NKAIN2: variants seen among roughly 807,000 people sequenced by gnomAD.
NKAIN2 encodes sodium/potassium-transporting ATPase subunit beta-1-interacting protein 2.
NKAIN2 carries 14 observed loss-of-function variants against 32.6 expected under a neutral mutation model. The observed-to-expected ratio is 0.43, with a 90% confidence interval of 0.28 to 0.67. The LOEUF (loss-of-function observed/expected upper bound fraction) is 0.67. NKAIN2 is among the 30% of genes least tolerant of loss of function. The pLI is 0.17. For synonymous variants in NKAIN2, 80 were observed against 87.2 expected, an observed-to-expected ratio of 0.92 and a Z score of 0.46; for missense variants, 198 against 258.3, an observed-to-expected ratio of 0.77 and a Z score of 1.60.
chr6:123,829,204 T>C (rs1046529625), intron 1 of NKAIN2: 6 of 152,204 alleles, frequency 3.9e-5, no homozygotes, highest in Non-Finnish European at 2.9e-5. Context: ...TACTTTCTCC[T>C]TAAGCAATCT....
intron 4 of NKAIN2, among the ~76,000 whole-genome samples, chr6:124,764,618 G>A (rs1277569582): frequency 1.3e-5 from 2 of 152,128 alleles, no homozygotes; most frequent in East Asian, 3.9e-4. Flanking sequence ...ACTGCCTTCT[G>A]TTATCACTCC....
chr6:124,103,858 TG>T (rs746767815), intron 1 of NKAIN2, among the ~76,000 whole-genome samples: 110 of 151,992 alleles, frequency 7.2e-4, no homozygotes, highest in Admixed American at 2.9e-3. Context: ...GAGGCCGAGG[TG>T]GGCGGATCAT....
chr6:123,823,101 T>C (rs1248585371), intron 1 of NKAIN2: 1 of 152,190 alleles, frequency 6.6e-6, no homozygotes, highest in Non-Finnish European at 1.5e-5. Context: ...TACTAAGCTG[T>C]AGTATTCGGA....
At chr6:124,103,458 C>T (rs1269703508) in intron 1 of NKAIN2, among the ~76,000 whole-genome samples, 1 of 152,134 alleles carries the variant, frequency 6.6e-6, no homozygotes, top group Non-Finnish European at 1.5e-5. Context: ...TATAATACTT[C>T]ACAGCATTTT....
intron 1 of NKAIN2, among the ~76,000 whole-genome samples, chr6:124,085,057 A>T (rs535228162): frequency 2.5e-4 from 38 of 152,134 alleles, no homozygotes; most frequent in African/African-American, 8.4e-4. Context: ...AAATGCTGTA[A>T]ATAGTGTATT....
chr6:123,886,425 C>A (rs143856901), intron 1 of NKAIN2, among the ~76,000 whole-genome samples: 2,698 of 151,898 alleles, frequency 0.018, 32 homozygotes, highest in Middle Eastern at 0.041. Flanking sequence ...ACAAGGACAC[C>A]AAATATATAT....
chr6:124,248,778 T>G, intron 1 of NKAIN2, among the ~76,000 whole-genome samples: 1 of 152,156 alleles, frequency 6.6e-6, no homozygotes, highest in South Asian at 2.1e-4. Flanking sequence ...GCATGCTTCT[T>G]GTCATACAGG....
At chr6:124,232,425 C>T (rs1562439432) in intron 1 of NKAIN2, among the ~76,000 whole-genome samples, 1 of 151,946 alleles carries the variant, frequency 6.6e-6, no homozygotes, top group African/African-American at 2.4e-5. Flanking sequence ...TCATGATGAG[C>T]CTACATGTTA....
chr6:124,050,767 T>C (rs1782365945), intron 1 of NKAIN2, among the ~76,000 whole-genome samples: 1 of 152,086 alleles, frequency 6.6e-6, no homozygotes, highest in South Asian at 2.1e-4. Context: ...TGTAATTCAG[T>C]TGAAAGCATT....
chr6:124,147,321 G>A (rs901179845), intron 1 of NKAIN2, among the ~76,000 whole-genome samples: 3 of 152,120 alleles, frequency 2.0e-5, no homozygotes, highest in African/African-American at 7.2e-5. Context: ...AACACTGATT[G>A]CACACATGGG....
chr6:123,846,972 C>A (rs1290321146), intron 1 of NKAIN2, among the ~76,000 whole-genome samples: 1 of 152,090 alleles, frequency 6.6e-6, no homozygotes, highest in Non-Finnish European at 1.5e-5. Flanking sequence ...CACATTCAGT[C>A]CAGTACTATG....
At position 124,331,303 on chromosome 6, in the gene NKAIN2, C is replaced by A. The variant is rs1475291003; in HGVS notation, c.193-23964C>A. Reference sequence around the variant, plus strand: ...TATCACGAGGTCAGGAGATCGAGACCATCCTGGCTAACACGGTGAAACCCT... The same window carrying A: ...TATCACGAGGTCAGGAGATCGAGACAATCCTGGCTAACACGGTGAAACCCT... On this transcript the variant is annotated intron_variant, in intron 2 of 6. Coordinates refer to ENST00000368417, the MANE Select transcript of NKAIN2 (RefSeq NM_001040214.3). Among the ~76,000 whole-genome samples, 5 of 128,854 alleles carry A rather than the reference C, an allele frequency of 3.9e-5. No homozygotes were observed. The South Asian group carries it at 1.2e-3, about 32-fold the overall frequency. The allele number at this position is 128,854 out of a possible 152,430, so 84.5% of individuals were successfully genotyped here. A position where few individuals can be genotyped will look rare whatever the true frequency, so the allele number is the denominator to read the frequency against.
chr6:124,472,893 A>G (rs1777033500), intron 3 of NKAIN2, among the ~76,000 whole-genome samples: 1 of 152,092 alleles, frequency 6.6e-6, no homozygotes, highest in African/African-American at 2.4e-5. Flanking sequence ...TGTGCTATCT[A>G]GATATATAAA....
chr6:124,345,462 C>T (rs1234706919), intron 2 of NKAIN2, among the ~76,000 whole-genome samples: 2 of 152,038 alleles, frequency 1.3e-5, no homozygotes, highest in Admixed American at 6.6e-5. Context: ...TCCATCTGGT[C>T]CTGGACTCTT....
intron 1 of NKAIN2, among the ~76,000 whole-genome samples, chr6:124,013,772 C>A (rs1780444045): frequency 6.6e-6 from 1 of 152,080 alleles, no homozygotes; most frequent in Non-Finnish European, 1.5e-5. Context: ...AAACTCTTTC[C>A]CAACTGAGGT....
At chr6:123,987,987 A>G (rs1202192690) in intron 1 of NKAIN2, among the ~76,000 whole-genome samples, 2 of 152,192 alleles carry the variant, frequency 1.3e-5, no homozygotes, top group Non-Finnish European at 2.9e-5. Context: ...TATATGAGAC[A>G]GGTGAATGGA....
intron 1 of NKAIN2, among the ~76,000 whole-genome samples, chr6:124,253,110 T>C (rs1181242126): frequency 6.6e-6 from 1 of 152,114 alleles, no homozygotes; most frequent in East Asian, 1.9e-4. Context: ...TTTTACAATA[T>C]TGAGTTTTGA....
chr6:124,371,693 C>CAAAAA (rs10679200), intron 3 of NKAIN2, among the ~76,000 whole-genome samples: 15 of 95,498 alleles, frequency 1.6e-4, no homozygotes, highest in African/African-American at 2.7e-4. Context: ...GACTCTGTCT[C>CAAAAA]AAAAAAAAAA....
chr6:124,370,347 C>T (rs889679366), intron 3 of NKAIN2, among the ~76,000 whole-genome samples: 5 of 151,870 alleles, frequency 3.3e-5, no homozygotes, highest in African/African-American at 1.2e-4. Flanking sequence ...TTTTTAATAA[C>T]GCAAAATGTG....
Sources: allele counts gnomAD v4.1 joint callset (sites outside exome capture counted in the v4.1 genomes callset), GRCh38; gene constraint gnomAD v4.1.1; transcripts MANE v1.5; gene names NCBI Gene and HGNC (gene_info 2026-07-23, HGNC 2026-07-21).